MAN2C1: variants seen among roughly 807,000 people sequenced by gnomAD.
The protein encoded by MAN2C1 is alpha-mannosidase 2C1.
MAN2C1 carries 111 observed loss-of-function variants against 126.9 expected under a neutral mutation model. The observed-to-expected ratio is 0.87, with a 90% confidence interval of 0.75 to 1.02. MAN2C1 has a LOEUF of 1.02. Among genes scored for constraint, MAN2C1 ranks in the 50% least tolerant of loss-of-function variants. The probability of loss-of-function intolerance (pLI) is 0.00; values close to 1 mark genes in which losing one functional copy is unlikely to be tolerated. For synonymous variants in MAN2C1, 567 were observed against 561.5 expected (o/e 1.01, Z -0.14); for missense variants, 1,363 against 1,364.4 (o/e 1.00, Z 0.02).
rs962384915 is a variant in MAN2C1 at position 75,364,126 on chromosome 15, G to T, written c.663C>A (p.Asn221Lys). 8 of 1,614,018 alleles carry T rather than the reference G, an allele frequency of 5.0e-6. No homozygotes were observed. The highest frequency in any genetic ancestry group is 1.3e-5 in the African/African-American group (1 of 74,934). The change falls in exon 6 of 26, where the codon AAC becomes AAA. Residue 221 changes from asparagine (N) to lysine (K), a missense_variant. By Grantham distance (94) the Asn-to-Lys change is moderately conservative. Around this residue, in one of 3 missense-constraint regions of MAN2C1, gnomAD observed 628 missense variants for 609.8 expected, o/e 1.03. Coordinates refer to ENST00000267978, the MANE Select transcript of MAN2C1 (RefSeq NM_006715.4). ...TCTCGGGCTGGGCAGGGTCACACAC[G>T]TTCACCATCTGATTGGCTGTGTACA... ...QALYTANQMV[N>K]VCDPAQPETF... is the part of the protein sequence containing the mutation.
chr15:75,360,248 T>C (rs372612165), intron 13 of MAN2C1, 37 bp from the exon 14 acceptor site: 1 of 1,600,670 alleles, frequency 6.2e-7, no homozygotes, highest in South Asian at 1.1e-5. Context: ...TGGAGCCTGC[T>C]TAGCTGTCCC....
At chr15:75,357,915 G>C (rs1312565247) in intron 21 of MAN2C1, 2 of 354,084 alleles carry the variant, frequency 5.6e-6, no homozygotes, top group Non-Finnish European at 1.1e-5. Flanking sequence ...CACCACGCCC[G>C]GCCCAATTTT....
Position 75,359,393 on chromosome 15 carries a change from G to A in MAN2C1, c.1981C>T (p.Pro661Ser), listed in dbSNP as rs1388785152. The A allele has an allele frequency of 6.2e-7, 1 of 1,610,240 alleles. No homozygotes were observed. The highest frequency in any genetic ancestry group is 1.7e-5 in the Admixed American group (1 of 59,758). ...TGCAGTGAGGTGGGGGGAGGAACAG[G>A]AGCATAGCCCATGCTGGGCACTGTC... ...LVTVPSMGYA[P>S]VPPPTSLQPL... The change falls in exon 17 of 26, where the codon CCT becomes TCT. Residue 661 changes from proline (P) to serine (S), a missense_variant. This residue lies in a region of MAN2C1 where 668 missense variants were observed against 650.1 expected (regional missense o/e 1.03). Coordinates refer to ENST00000267978, the MANE Select transcript of MAN2C1 (RefSeq NM_006715.4).
Position 75,368,089 on chromosome 15 carries a change from C to A in MAN2C1, c.211G>T (p.Asp71Tyr), listed in dbSNP as rs1019333246. ...QRDFRPAQVG[D>Y]SFGPTWWTCW... ...GTTACCTACGTGGGTCCGAAGCTGTCGCCGACCTGCGCGGGGCGGAAGTCC... is the reference window on the plus strand; with the variant it reads ...GTTACCTACGTGGGTCCGAAGCTGTAGCCGACCTGCGCGGGGCGGAAGTCC... Residue 71 changes from aspartate to tyrosine, a missense_variant, in exon 2 of 26, where the codon GAC becomes TAC. Coordinates refer to ENST00000267978, the MANE Select transcript of MAN2C1 (RefSeq NM_006715.4). 6.2e-7 allele frequency: 1 copy of A among 1,607,268 alleles called. No homozygotes were observed. The highest frequency in any genetic ancestry group is 8.5e-7 in the Non-Finnish European group (1 of 1,177,826).
In MAN2C1 at chr15:75,356,974, G is replaced by C. The variant is rs1265558794; in HGVS notation, c.2548-72C>G. On this transcript the variant is annotated intron_variant, in intron 21 of 25. Transcript: ENST00000267978. This position sits in a 1 kb window ranked among gnomAD's most constrained non-coding sequence, Gnocchi z 5.8. Reference sequence around the variant, plus strand: ...TGTGCTCCCAGACTCCAGAGCTCCTGTCACTAGGCCGAGCACAAGCTCTAG... The same window carrying C: ...TGTGCTCCCAGACTCCAGAGCTCCTCTCACTAGGCCGAGCACAAGCTCTAG... 2 of 1,261,118 alleles carry C rather than the reference G, an allele frequency of 1.6e-6. No homozygotes were observed. Among genetic ancestry groups the C allele is most frequent in the African/African-American group, 2.9e-5 (2 of 68,334 alleles). The allele number at this position is 1,261,118 out of a possible 1,614,324, so 78.1% of individuals were successfully genotyped here.
chr15:75,358,432 G>T (rs747504348), intron 20 of MAN2C1, 30 bp downstream of exon 20: 1 of 1,613,116 alleles, frequency 6.2e-7, no homozygotes, highest in Admixed American at 1.7e-5. Context: ...CACACTTGGG[G>T]AAAACAGCCA....
Position 75,356,959 on chromosome 15 carries a change from G to C in MAN2C1, c.2548-57C>G, listed in dbSNP as rs1460904750. On this transcript the variant is annotated intron_variant, in intron 21 of 25. Coordinates refer to ENST00000267978, the MANE Select transcript of MAN2C1 (RefSeq NM_006715.4). The surrounding 1 kb of genome is among the most constrained non-coding windows in gnomAD (Gnocchi z 5.8). The stretch of plus-strand genomic sequence containing the variant: ...CCCTGTGCCCCTCTTTGTGCTCCCA[G>C]ACTCCAGAGCTCCTGTCACTAGGCC... 12 of 1,411,710 alleles carry C rather than the reference G, an allele frequency of 8.5e-6. No homozygotes were observed. In the Admixed American group the frequency reaches 1.9e-4, roughly 22 times the overall value. The allele number at this position is 1,411,710 out of a possible 1,614,324, so 87.4% of individuals were successfully genotyped here.
Position 75,362,114 on chromosome 15 carries a change from G to T in MAN2C1, c.1009-167C>A. 3.0e-6 allele frequency: 2 copies of T among 666,930 alleles called. No individual in the cohort carries two copies. The highest frequency in any genetic ancestry group is 2.6e-6 in the Non-Finnish European group (1 of 383,224). The allele number at this position is 666,930 out of a possible 1,614,324, so 41.3% of individuals were successfully genotyped here. ...GTCCTTCAGGCCTGACTGTCCATCT[G>T]CCTGAGGGGGTGCCCAGGACTAGGC... On this transcript the variant is annotated intron_variant, in intron 8 of 25. Transcript: ENST00000267978. This position sits in a 1 kb window ranked among gnomAD's most constrained non-coding sequence, Gnocchi z 4.5.
rs1567274490 is a variant in MAN2C1 at position 75,358,748 on chromosome 15, C to T, written c.2202G>A (p.Leu734=). 4 of 1,613,838 alleles carry T rather than the reference C, an allele frequency of 2.5e-6. No homozygotes were observed. The Admixed American group carries it at 5.0e-5, about 20-fold the overall frequency. Residue 734 remains leucine (L), a synonymous_variant, in exon 19 of 26, where the codon TTG becomes TTA. Coordinates refer to ENST00000267978, the MANE Select transcript of MAN2C1 (RefSeq NM_006715.4). ...CCATGACGTCCCATGCATCCCAGTACAAGGGGACATCATCAAATAGCACAA... is the reference window on the plus strand; with the variant it reads ...CCATGACGTCCCATGCATCCCAGTATAAGGGGACATCATCAAATAGCACAA... ...NQFVLFDDVP[L]YWDAWDVMDY...
At chr15:75,364,431 A>C (rs534313948) in intron 5 of MAN2C1, 57 bp downstream of exon 5, 6 of 1,468,858 alleles carry the variant, frequency 4.1e-6, no homozygotes, top group African/African-American at 2.8e-5. Flanking sequence ...CCCAAAGAAC[A>C]ACCTTCTTGG....
rs745692150 is a variant in MAN2C1, at chr15:75,356,128, G to A, written c.2978C>T (p.Pro993Leu). 52 of 1,613,658 alleles carry A rather than the reference G, an allele frequency of 3.2e-5. No homozygotes were observed. The East Asian group carries it at 4.5e-4, about 14-fold the overall frequency. Residue 993 changes from proline to leucine, a missense_variant, in exon 25 of 26, where the codon CCG becomes CTG. Physicochemically the swap from Pro to Leu is moderately conservative, Grantham distance 98. Around this residue, in one of 3 missense-constraint regions of MAN2C1, gnomAD observed 668 missense variants for 650.1 expected, o/e 1.03. Transcript: ENST00000267978. The surrounding 1 kb of genome is among the most constrained non-coding windows in gnomAD (Gnocchi z 5.8). ...HVDCWLHLSL[P>L]VQEAILCDLL... The stretch of plus-strand genomic sequence containing the variant: ...CACTCACAGGATGGCCTCCTGAACC[G>A]GCAGCGACAAGTGCAGCCAGCAGTC...
intron 21 of MAN2C1, 150 bp downstream of exon 21, chr15:75,358,051 T>G: frequency 1.0e-6 from 1 of 989,260 alleles, no homozygotes; most frequent in South Asian, 1.5e-5. Flanking sequence ...CACTGTGCCT[T>G]GCCAATGTAA....
chr15:75,357,017 C>A, intron 21 of MAN2C1, 115 bp from the exon 22 acceptor site: 1 of 802,050 alleles, frequency 1.2e-6, no homozygotes, highest in Admixed American at 2.2e-5. Flanking sequence ...CAACTGAACT[C>A]CAGCTCCCAC....
At chr15:75,367,711 G>A in intron 2 of MAN2C1, 77 bp from the exon 3 acceptor site, 1 of 1,575,408 alleles carries the variant, frequency 6.3e-7, no homozygotes. Flanking sequence ...AGTGTCGGCA[G>A]GGGCTTGAAA....
chr15:75,355,921 C>A lies in MAN2C1; in HGVS notation c.3108G>T (p.Gln1036His). Residue 1036 changes from glutamine to histidine, a missense_variant, in exon 26 of 26, where the codon CAG (glutamine) becomes CAT (histidine). Gln to His is a conservative substitution (Grantham distance 24). Coordinates refer to ENST00000267978, the MANE Select transcript of MAN2C1 (RefSeq NM_006715.4). ...CCCCAGGGACTCAGTGTGGCGGAGG[C>A]TGAAGCACGAGCAACAGGGACAGCA... The part of the protein sequence containing the change: ...FQVLSLLLVL[Q>H]PPPH 1 of 1,614,208 alleles carries A rather than the reference C, an allele frequency of 6.2e-7. No homozygotes were observed. Among genetic ancestry groups the A allele is most frequent in the South Asian group, 1.1e-5 (1 of 91,088 alleles).
intron 17 of MAN2C1, 60 bp downstream of exon 17, chr15:75,359,268 C>A: frequency 1.3e-6 from 2 of 1,585,464 alleles, no homozygotes; most frequent in African/African-American, 2.7e-5. Context: ...AGCTCAGGAC[C>A]CTCAGTTGTA....
Position 75,358,367 on chromosome 15 carries a change from G to T in MAN2C1, c.2404-23C>A, listed in dbSNP as rs1326505334. ...TACCTGGGAGTGGGAAGGAGGGTGG[G>T]AGTCAGGGAAGGAAGAGACACACCA... On this transcript the variant is annotated intron_variant, in intron 20 of 25. Coordinates refer to ENST00000267978, the MANE Select transcript of MAN2C1 (RefSeq NM_006715.4). 8 of 1,613,880 alleles carry T rather than the reference G, an allele frequency of 5.0e-6. No homozygotes were observed. In the African/African-American group the frequency reaches 1.1e-4, roughly 22 times the overall value.
At chr15:75,360,530 A>C in intron 13 of MAN2C1, 35 bp downstream of exon 13, 1 of 1,608,322 alleles carries the variant, frequency 6.2e-7, no homozygotes, top group East Asian at 2.2e-5. Context: ...TCAAGGGCAC[A>C]CCCTCCCTGC....
In MAN2C1 at chr15:75,359,408, TG is replaced by T; in HGVS notation, c.1965del (p.Ser656AlafsTer24). The T allele has an allele frequency of 1.9e-6, 3 of 1,611,168 alleles. No individual in the cohort carries two copies. The highest frequency in any genetic ancestry group is 2.5e-6 in the Non-Finnish European group (3 of 1,179,550). ...GAHSLALVTVPSMGYAPVPPP... is the reference protein window; with the variant it reads ...GAHSLALVTVXSMGYAPVPPP... ...GGAGGAACAGGAGCATAGCCCATGC[TG>T]GGCACTGTCACCAGGGCTGGGGGTG... On this transcript the variant is annotated frameshift_variant, in exon 17 of 26. Transcript: ENST00000267978. LOFTEE classifies it high-confidence loss of function.
Sources: allele counts gnomAD v4.1 joint callset, GRCh38; gene constraint gnomAD v4.1.1; regional missense constraint gnomAD v4.1.1; non-coding constraint Gnocchi (gnomAD v3.1); transcripts MANE v1.5; gene names NCBI Gene and HGNC (gene_info 2026-07-23, HGNC 2026-07-21).